The following INSC variants were observed in gnomAD, a reference collection of about 807,000 sequenced individuals.
INSC encodes the protein INSC spindle orientation adaptor protein, also known as protein inscuteable homolog.
A neutral mutation model predicts 58.6 loss-of-function variants in INSC; 67 were observed. The observed-to-expected ratio is 1.14, with a 90% confidence interval of 0.94 to 1.40. The LOEUF is 1.40. Ranked by LOEUF, INSC falls within the 40% of genes most tolerant of loss-of-function variation. INSC has a pLI of 0.00. For missense variants in INSC, 714 were observed against 692.0 expected (o/e 1.03, Z -0.36); for synonymous variants, 262 against 276.1 (o/e 0.95, Z 0.51).
intron 1 of INSC, among the ~76,000 whole-genome samples, chr11:15,147,167 G>C (rs190423616): frequency 6.6e-6 from 1 of 152,070 alleles, no homozygotes; most frequent in East Asian, 1.9e-4. Flanking sequence ...TTGTACTTTA[G>C]TCAAACATAT....
chr11:15,138,004 G>A (rs979144086), intron 1 of INSC, among the ~76,000 whole-genome samples: 2 of 152,136 alleles, frequency 1.3e-5, no homozygotes, highest in African/African-American at 4.8e-5. Context: ...AACATTTAGA[G>A]GGCATTGTAG....
chr11:15,198,222 A>G (rs1225804143), intron 6 of INSC, among the ~76,000 whole-genome samples: 1 of 152,092 alleles, frequency 6.6e-6, no homozygotes, highest in Non-Finnish European at 1.5e-5. Context: ...TACTAACTCA[A>G]TTGCACCCCC....
At chr11:15,224,197 T>G (rs537311018) in intron 8 of INSC, among the ~76,000 whole-genome samples, 1 of 152,322 alleles carries the variant, frequency 6.6e-6, no homozygotes, top group Admixed American at 6.5e-5. Flanking sequence ...TGTACAGCAG[T>G]GAGTAAACAA....
intron 2 of INSC, among the ~76,000 whole-genome samples, chr11:15,153,045 A>G (rs1320715904): frequency 1.3e-5 from 2 of 152,328 alleles, no homozygotes; most frequent in East Asian, 3.9e-4. Flanking sequence ...ATTAGCTTTC[A>G]ACAAAGTTCT....
upstream of INSC, among the ~76,000 whole-genome samples, chr11:15,111,741 GATA>G (rs1162133683): frequency 6.6e-6 from 1 of 152,162 alleles, no homozygotes; most frequent in African/African-American, 2.4e-5. Flanking sequence ...GTATTATGGG[GATA>G]ATAATAACTT....
chr11:15,265,629 C>A, the INSC span, among the ~76,000 whole-genome samples: 1 of 151,536 alleles, frequency 6.6e-6, no homozygotes, highest in African/African-American at 2.4e-5. Flanking sequence ...TACTATTACT[C>A]ATTTCTGGTA....
At chr11:15,118,744 A>G (rs187878778) in intron 1 of INSC, among the ~76,000 whole-genome samples, 2 of 152,360 alleles carry the variant, frequency 1.3e-5, no homozygotes, top group East Asian at 3.9e-4. Context: ...TTTAAGCTCA[A>G]CCAAGTGAAA....
At chr11:15,117,459 G>A (rs1458505180) in intron 1 of INSC, among the ~76,000 whole-genome samples, 1 of 152,176 alleles carries the variant, frequency 6.6e-6, no homozygotes, top group Non-Finnish European at 1.5e-5. Context: ...AAGGTGGCAG[G>A]GGAAGGAATT....
At chr11:15,199,173 G>A (rs959733177) in intron 6 of INSC, among the ~76,000 whole-genome samples, 6 of 152,146 alleles carry the variant, frequency 3.9e-5, no homozygotes, top group African/African-American at 1.4e-4. Flanking sequence ...CCAGCATGAC[G>A]TCTGGCCTAT....
chr11:15,236,646 G>C (rs528636245), intron 10 of INSC, among the ~76,000 whole-genome samples: 44 of 152,330 alleles, frequency 2.9e-4, no homozygotes, highest in African/African-American at 1.0e-3. Flanking sequence ...GGTGGTGGCT[G>C]CCTTGCAGCT....
intron 6 of INSC, among the ~76,000 whole-genome samples, chr11:15,198,018 T>TG (rs1383090021): frequency 2.0e-5 from 3 of 152,238 alleles, no homozygotes; most frequent in Non-Finnish European, 4.4e-5. Context: ...GGTTCTTGAA[T>TG]GGGGGCTCCA....
chr11:15,232,383 C>T (rs1051725084), intron 9 of INSC, among the ~76,000 whole-genome samples: 1 of 152,198 alleles, frequency 6.6e-6, no homozygotes, highest in Non-Finnish European at 1.5e-5. Context: ...TTGATATTAA[C>T]TCATTGAATG....
upstream of INSC, among the ~76,000 whole-genome samples, chr11:15,114,617 G>A (rs1343063597): frequency 6.6e-6 from 1 of 152,216 alleles, no homozygotes; most frequent in Admixed American, 6.5e-5. Context: ...TCACCCTGGT[G>A]CCTGCCGCCT....
intron 7 of INSC, 69 bp downstream of exon 7, chr11:15,201,018 A>C: frequency 6.6e-7 from 1 of 1,520,762 alleles, no homozygotes; most frequent in Non-Finnish European, 8.9e-7. Flanking sequence ...AGGCCTCATG[A>C]TGGCCATCTG....
chr11:15,220,172 T>C (rs556712344), intron 7 of INSC, among the ~76,000 whole-genome samples: 1 of 152,332 alleles, frequency 6.6e-6, no homozygotes, highest in Non-Finnish European at 1.5e-5. Context: ...TGCAGACCTC[T>C]GGAGGCCCAC....
chr11:15,244,538 T>C (rs1310687726), intron 12 of INSC, among the ~76,000 whole-genome samples: 1 of 152,158 alleles, frequency 6.6e-6, no homozygotes, highest in African/African-American at 2.4e-5. Context: ...TTGTGCTCAA[T>C]ATAACCTTGT....
intron 1 of INSC, among the ~76,000 whole-genome samples, chr11:15,140,902 C>T (rs1848355163): frequency 6.6e-6 from 1 of 152,062 alleles, no homozygotes; most frequent in South Asian, 2.1e-4. Context: ...TTCTTTTGAA[C>T]TTGTCTCTCC....
intron 7 of INSC, among the ~76,000 whole-genome samples, chr11:15,212,576 G>T (rs1451936115): frequency 6.6e-6 from 1 of 152,148 alleles, no homozygotes; most frequent in African/African-American, 2.4e-5. Flanking sequence ...CTGGCATCTT[G>T]CACATCTTTT....
rs377246526 is a variant in INSC at position 15,115,251 on chromosome 11, C to G, written c.-46+248C>G. ...CGAGTGTGTCAGAGTGTGTGGTGGC[C>G]TGGAGTGGGCCACAGGTATTTGCCT... On this transcript the variant is annotated intron_variant, in intron 1 of 12. Transcript: ENST00000379556. 5.3e-5 allele frequency among the ~76,000 whole-genome samples: 8 copies of G among 152,246 alleles called. No individual in the cohort carries two copies. In the East Asian group the frequency reaches 1.5e-3, roughly 29 times the overall value.
Sources: allele counts gnomAD v4.1 joint callset (sites outside exome capture counted in the v4.1 genomes callset), GRCh38; gene constraint gnomAD v4.1.1; transcripts MANE v1.5; gene names NCBI Gene and HGNC (gene_info 2026-07-23, HGNC 2026-07-21).